The following SLC4A4 variants were observed in gnomAD, a reference collection of about 807,000 sequenced individuals.
The protein encoded by SLC4A4 is solute carrier family 4 member 4, also known as electrogenic sodium bicarbonate cotransporter 1.
SLC4A4 carries 27 observed loss-of-function variants against 111.5 expected under a neutral mutation model. That is an observed-to-expected ratio of 0.24 (90% confidence interval 0.18 to 0.33). SLC4A4 has a LOEUF of 0.33. SLC4A4 is among the 10% of genes least tolerant of loss of function. The pLI is 1.00. For synonymous variants in SLC4A4, 443 were observed against 463.4 expected (o/e 0.96, Z 0.57); for missense variants, 909 against 1,315.5 (o/e 0.69, Z 4.78).
chr4:71,223,055 T>C, intron 1 of SLC4A4, among the ~76,000 whole-genome samples: 1 of 152,172 alleles, frequency 6.6e-6, no homozygotes, highest in East Asian at 1.9e-4. Flanking sequence ...TGTTCATGAA[T>C]GTCAAGGGTC....
chr4:71,213,764 G>C (rs1718268660), intron 1 of SLC4A4, among the ~76,000 whole-genome samples: 1 of 152,136 alleles, frequency 6.6e-6, no homozygotes, highest in African/African-American at 2.4e-5. Flanking sequence ...TAGTGCCCCT[G>C]TAAGAAGAGA....
intron 6 of SLC4A4, among the ~76,000 whole-genome samples, chr4:71,386,513 T>G (rs4334726): frequency 0.033 from 5,002 of 152,190 alleles, 198 homozygotes; most frequent in East Asian, 0.14. Context: ...TCTGGCTCTT[T>G]GCCCCTTCTT....
At chr4:71,137,822 T>C (rs1743887651) in intron 2 of SLC4A4, among the ~76,000 whole-genome samples, 1 of 152,212 alleles carries the variant, frequency 6.6e-6, no homozygotes, top group African/African-American at 2.4e-5. Flanking sequence ...CTCGCTTGTT[T>C]TGCTCACAAG....
chr4:71,257,524 T>A (rs907321910), intron 3 of SLC4A4, among the ~76,000 whole-genome samples: 3 of 152,162 alleles, frequency 2.0e-5, no homozygotes, highest in African/African-American at 7.2e-5. Context: ...TGCACCTAGA[T>A]ATAGAAAGAC....
chr4:71,121,368 G>A (rs1743419828), intron 2 of SLC4A4, among the ~76,000 whole-genome samples: 1 of 152,226 alleles, frequency 6.6e-6, no homozygotes. Context: ...CACCAGGCGT[G>A]GGACTGGCGG....
chr4:71,102,173 A>G (rs1742765706), intron 2 of SLC4A4, among the ~76,000 whole-genome samples: 1 of 151,788 alleles, frequency 6.6e-6, no homozygotes, highest in Non-Finnish European at 1.5e-5. Flanking sequence ...GGGTATCAGC[A>G]ATGGAAGATG....
At chr4:71,518,590 G>T (rs942630950) in intron 16 of SLC4A4, among the ~76,000 whole-genome samples, 1 of 152,112 alleles carries the variant, frequency 6.6e-6, no homozygotes, top group Non-Finnish European at 1.5e-5. Flanking sequence ...GCCTGTATTG[G>T]CAGGGACTGG....
At chr4:71,259,677 G>T (rs1247969918) in intron 3 of SLC4A4, among the ~76,000 whole-genome samples, 1 of 151,926 alleles carries the variant, frequency 6.6e-6, no homozygotes, top group Non-Finnish European at 1.5e-5. Context: ...TCCTCTGAGG[G>T]TTGCCCAAAA....
At chr4:71,117,332 T>C (rs1743297063) in intron 2 of SLC4A4, among the ~76,000 whole-genome samples, 1 of 152,220 alleles carries the variant, frequency 6.6e-6, no homozygotes, top group South Asian at 2.1e-4. Context: ...GTTGGAAGTT[T>C]ATCTTAGAAG....
In SLC4A4 at chr4:71,069,416, C is replaced by T. The variant is rs139811639; in HGVS notation, c.-65+6628C>T. On this transcript the variant is annotated intron_variant, in intron 1 of 26. Coordinates refer to the SLC4A4 transcript ENST00000649996. ...AACAAAACCAAACAGACTTGAAAGA[C>T]GACAGAGCAGGTAGAAAGAAGGAAA... is the stretch of plus-strand genomic sequence containing the variant. 1.8e-4 allele frequency among the ~76,000 whole-genome samples: 27 copies of T among 152,252 alleles called. No individual in the cohort carries two copies. The East Asian group carries it at 3.1e-3, about 17-fold the overall frequency.
At chr4:71,566,925 C>A (rs2149260840) in intron 24 of SLC4A4, 79 bp from the exon 25 acceptor site, 1 of 1,073,014 alleles carries the variant, frequency 9.3e-7, no homozygotes, top group East Asian at 2.4e-5. Flanking sequence ...ATGGAAGATG[C>A]ATCAATTTTG....
intron 22 of SLC4A4, 77 bp from the exon 23 acceptor site, chr4:71,560,016 T>C (rs1221541585): frequency 2.5e-5 from 29 of 1,141,816 alleles, no homozygotes; most frequent in Non-Finnish European, 3.7e-5. Context: ...CTGTGGTCTT[T>C]GATAGGAGAG....
intron 2 of SLC4A4, among the ~76,000 whole-genome samples, chr4:71,251,128 A>G (rs928894266): frequency 3.3e-5 from 5 of 152,192 alleles, no homozygotes; most frequent in African/African-American, 1.2e-4. Context: ...CCACTCAGCT[A>G]TAGAATTTGT....
chr4:71,133,307 A>G (rs1016575741), intron 2 of SLC4A4, among the ~76,000 whole-genome samples: 5 of 152,194 alleles, frequency 3.3e-5, no homozygotes, highest in Non-Finnish European at 4.4e-5. Flanking sequence ...TCTGTTCACC[A>G]TGAAACTCTG....
In SLC4A4 at chr4:71,156,588, G is replaced by GCGCGCGCACACACACACA. The variant is rs376043069; in HGVS notation, c.-2+63797_-2+63798insGCGCGCACACACACACAC. Among the ~76,000 whole-genome samples, 19 of 138,564 alleles carry GCGCGCGCACACACACACA rather than the reference G, an allele frequency of 1.4e-4. No individual in the cohort carries two copies. The South Asian group carries it at 1.6e-3, about 12-fold the overall frequency. 90.9% of individuals were successfully genotyped at this position (138,564 alleles called of 152,430 possible). On this transcript the variant is annotated intron_variant, in intron 2 of 26. Coordinates refer to the SLC4A4 transcript ENST00000649996. ...TGTGCGCGCATGCGCGCGCGCGCGC[G>GCGCGCGCACACACACACA]CACACACACACACACACACACACAC...
At position 71,473,012 on chromosome 4, in the gene SLC4A4, G is replaced by C. The variant is rs748533106; in HGVS notation, c.1903+42G>C. ...TTGTGTTTATGCTCGCTTTGTATTT[G>C]GAGGAAGGTGTAGGCTCCATGCTTG... is the stretch of plus-strand genomic sequence containing the variant. On this transcript the variant is annotated intron_variant, in intron 14 of 25. Transcript: ENST00000264485. 8.1e-6 allele frequency: 13 copies of C among 1,610,070 alleles called. No homozygotes were observed. In the Admixed American group the frequency reaches 1.0e-4, roughly 12 times the overall value.
At chr4:71,303,512 T>G (rs1186217100) in intron 3 of SLC4A4, among the ~76,000 whole-genome samples, 1 of 152,206 alleles carries the variant, frequency 6.6e-6, no homozygotes, top group Non-Finnish European at 1.5e-5. Flanking sequence ...CACAGATGAA[T>G]CTCTTCATGA....
At chr4:71,085,502 T>C (rs1362608914) in intron 1 of SLC4A4, among the ~76,000 whole-genome samples, 2 of 152,050 alleles carry the variant, frequency 1.3e-5, no homozygotes, top group Non-Finnish European at 2.9e-5. Flanking sequence ...CTGAATGGTA[T>C]TGCCTAGGTT....
intron 2 of SLC4A4, among the ~76,000 whole-genome samples, chr4:71,145,580 A>T (rs1329458524): frequency 6.6e-6 from 1 of 151,698 alleles, no homozygotes; most frequent in Admixed American, 6.6e-5. Context: ...CTGGTCCTGG[A>T]TTTTTTTTAG....
Sources: allele counts gnomAD v4.1 joint callset (sites outside exome capture counted in the v4.1 genomes callset), GRCh38; gene constraint gnomAD v4.1.1; transcripts MANE v1.5; gene names NCBI Gene and HGNC (gene_info 2026-07-23, HGNC 2026-07-21).